The following STXBP5L variants were observed in gnomAD, a reference collection of about 807,000 sequenced individuals.
The protein encoded by STXBP5L is syntaxin binding protein 5L.
A neutral mutation model predicts 144.5 loss-of-function variants in STXBP5L; 65 were observed. The ratio of observed to expected loss-of-function variants is 0.45; its 90% CI spans 0.37 to 0.55. The LOEUF (loss-of-function observed/expected upper bound fraction) is 0.55. STXBP5L is among the 20% of genes least tolerant of loss of function. The pLI is 0.00. For missense variants in STXBP5L, 1,298 were observed against 1,405.5 expected, an observed-to-expected ratio of 0.92 and a Z score of 1.22; for synonymous variants, 505 against 469.6, an observed-to-expected ratio of 1.08 and a Z score of -0.97.
chr3:120,943,804 C>T (rs1194500805), intron 2 of STXBP5L, among the ~76,000 whole-genome samples: 1 of 151,110 alleles, frequency 6.6e-6, no homozygotes, highest in African/African-American at 2.4e-5. Context: ...ACCCAGGAAA[C>T]AACTGTTTTC....
At chr3:121,231,635 A>G (rs942398807) in intron 11 of STXBP5L, among the ~76,000 whole-genome samples, 3 of 152,144 alleles carry the variant, frequency 2.0e-5, no homozygotes, top group Non-Finnish European at 4.4e-5. Flanking sequence ...AAGGCCCTGC[A>G]CTAGAAAGAG....
At chr3:120,913,519 C>G (rs1011487333) in intron 2 of STXBP5L, among the ~76,000 whole-genome samples, 5 of 152,036 alleles carry the variant, frequency 3.3e-5, no homozygotes, top group African/African-American at 9.7e-5. Context: ...GCAATTACTA[C>G]TTATATATGC....
chr3:121,361,055 C>T (rs768817035), intron 20 of STXBP5L, among the ~76,000 whole-genome samples: 3 of 152,112 alleles, frequency 2.0e-5, no homozygotes, highest in Non-Finnish European at 2.9e-5. Flanking sequence ...GATATTTTCA[C>T]CAGATATACT....
chr3:121,031,199 G>A (rs1430877249), intron 3 of STXBP5L, among the ~76,000 whole-genome samples: 2 of 152,028 alleles, frequency 1.3e-5, no homozygotes, highest in Non-Finnish European at 2.9e-5. Context: ...AACAGGAATG[G>A]CATTATGAGA....
intron 5 of STXBP5L, among the ~76,000 whole-genome samples, chr3:121,111,189 T>C (rs1046023770): frequency 2.0e-5 from 3 of 152,190 alleles, no homozygotes; most frequent in Non-Finnish European, 4.4e-5. Flanking sequence ...AACATGCTCC[T>C]TTAGCTCAGT....
chr3:121,031,569 A>T (rs2107508663), intron 3 of STXBP5L, among the ~76,000 whole-genome samples: 1 of 152,212 alleles, frequency 6.6e-6, no homozygotes, highest in Non-Finnish European at 1.5e-5. Context: ...ATTCTTTCTC[A>T]GGGAACTTGG....
At chr3:120,935,940 T>C (rs2107635546) in intron 2 of STXBP5L, among the ~76,000 whole-genome samples, 1 of 152,280 alleles carries the variant, frequency 6.6e-6, no homozygotes, top group East Asian at 1.9e-4. Flanking sequence ...TCAGTCACTA[T>C]TGCTTCAAAT....
chr3:121,341,201 A>C (rs886834629), intron 20 of STXBP5L, among the ~76,000 whole-genome samples: 1 of 152,200 alleles, frequency 6.6e-6, no homozygotes, highest in African/African-American at 2.4e-5. Context: ...TGGGCAAAAA[A>C]TCTGAGTAGA....
At position 121,407,596 on chromosome 3, in the gene STXBP5L, A is replaced by T; in HGVS notation, c.2941A>T (p.Ile981Leu). 1 of 1,613,076 alleles carries T rather than the reference A, an allele frequency of 6.2e-7. No homozygotes were observed. The change falls in exon 23 of 27, where the codon ATA (isoleucine) becomes TTA (leucine). Residue 981 changes from isoleucine to leucine, a missense_variant. Ile to Leu is a conservative substitution (Grantham distance 5). Transcript: ENST00000471454. ...ACFCANGHIM[I>L]MSLPSLRPML... The stretch of plus-strand genomic sequence containing the variant: ...CTTTTGTGCTAACGGACATATCATG[A>T]TAATGAGGTACTTGCCTTCTTATAA...
chr3:121,027,386 G>T (rs1254045355), intron 3 of STXBP5L, among the ~76,000 whole-genome samples: 1 of 152,032 alleles, frequency 6.6e-6, no homozygotes, highest in Non-Finnish European at 1.5e-5. Flanking sequence ...ATCCATGTAG[G>T]GTAAGTCCTT....
intron 20 of STXBP5L, among the ~76,000 whole-genome samples, chr3:121,369,574 T>C (rs1184748546): frequency 1.2e-4 from 19 of 152,042 alleles, no homozygotes; most frequent in Admixed American, 1.2e-3. Flanking sequence ...TTTGATTTTT[T>C]CTTTGATTTT....
intron 9 of STXBP5L, among the ~76,000 whole-genome samples, chr3:121,181,896 G>A (rs900590286): frequency 1.3e-5 from 2 of 151,112 alleles, no homozygotes; most frequent in African/African-American, 4.9e-5. Flanking sequence ...AAAGCAAACA[G>A]GAGTAGCTAT....
At chr3:121,392,436 T>A (rs1296280890) in intron 22 of STXBP5L, among the ~76,000 whole-genome samples, 1 of 152,158 alleles carries the variant, frequency 6.6e-6, no homozygotes, top group Non-Finnish European at 1.5e-5. Context: ...CCCAATGAGA[T>A]GAACCAGTTA....
Position 121,233,666 on chromosome 3 carries a change from G to A in STXBP5L, c.1162G>A (p.Val388Ile). The stretch of plus-strand genomic sequence containing the variant: ...GGTACTTCTGGAGAAAGATCTCATT[G>A]TAGTTGATCTGACACAAAGCAAGTA... ...VVVLLEKDLI[V>I]VDLTQSNFPI... The change falls in exon 12 of 27, where the codon GTA (valine) becomes ATA (isoleucine). Residue 388 changes from valine (V) to isoleucine (I), a missense_variant. Transcript: ENST00000471454. 6.2e-7 allele frequency: 1 copy of A among 1,612,354 alleles called. No individual in the cohort carries two copies. The highest frequency in any genetic ancestry group is 8.5e-7 in the Non-Finnish European group (1 of 1,179,042).
At chr3:120,909,944 A>G (rs1196918363) in intron 2 of STXBP5L, among the ~76,000 whole-genome samples, 177 bp downstream of exon 2, 3 of 152,250 alleles carry the variant, frequency 2.0e-5, no homozygotes, top group Non-Finnish European at 4.4e-5. Context: ...CGTCAACTTA[A>G]AAAGCAATGA....
Position 121,045,466 on chromosome 3 carries a change from C to T in STXBP5L, c.401C>T (p.Thr134Ile), listed in dbSNP as rs769161978. 1 of 1,613,094 alleles carries T rather than the reference C, an allele frequency of 6.2e-7. No homozygotes were observed. The highest frequency in any genetic ancestry group is 1.1e-5 in the South Asian group (1 of 90,906). Residue 134 changes from threonine (T) to isoleucine (I), a missense_variant, in exon 5 of 27, where the codon ACA becomes ATA. By Grantham distance (89) the Thr-to-Ile change is moderately conservative. Coordinates refer to ENST00000471454, the MANE Select transcript of STXBP5L (RefSeq NM_001308330.2). ...TTGGTCAGTGCAAGTTCAGATGATA[C>T]ACTTCATTTGTGGAACCTTAGACAA... is the stretch of plus-strand genomic sequence containing the variant. Reference protein sequence around the residue: ...GALVSASSDDTLHLWNLRQKR... With the variant: ...GALVSASSDDILHLWNLRQKR...
chr3:120,960,774 G>A (rs145476321), intron 3 of STXBP5L, among the ~76,000 whole-genome samples: 1 of 152,056 alleles, frequency 6.6e-6, no homozygotes, highest in South Asian at 2.1e-4. Flanking sequence ...GTGGGGGCAG[G>A]GGGGAGGGAT....
chr3:120,939,882 T>C (rs1442114801), intron 2 of STXBP5L, among the ~76,000 whole-genome samples: 1 of 152,166 alleles, frequency 6.6e-6, no homozygotes, highest in Non-Finnish European at 1.5e-5. Flanking sequence ...TAGTTCACTC[T>C]TTTATTTTAT....
chr3:121,191,909 A>T (rs956404288), intron 9 of STXBP5L, among the ~76,000 whole-genome samples: 1 of 148,338 alleles, frequency 6.7e-6, no homozygotes, highest in Non-Finnish European at 1.5e-5. Context: ...GAACACTGGG[A>T]CACAGGGTGG....
Sources: gnomAD v4.1 joint callset for allele counts (sites outside exome capture counted in the v4.1 genomes callset) on GRCh38, gnomAD v4.1.1 for gene constraint, MANE v1.5 for transcripts, NCBI Gene and HGNC (gene_info 2026-07-23, HGNC 2026-07-21) for gene names.